SERAC1: variants seen among roughly 807,000 people sequenced by gnomAD.
SERAC1 encodes the protein protein SERAC1.
A neutral mutation model predicts 85.7 loss-of-function variants in SERAC1; 36 were observed. The ratio of observed to expected loss-of-function variants is 0.42; its 90% confidence interval spans 0.32 to 0.55. The LOEUF is 0.55. SERAC1 is among the 20% of genes least tolerant of loss of function. The pLI is 0.11. For missense variants in SERAC1, 629 were observed against 796.2 expected (o/e 0.79, Z 2.53); for synonymous variants, 242 against 265.3 (o/e 0.91, Z 0.85).
At chr6:158,141,872 T>C (rs753125436) in intron 8 of SERAC1, among the ~76,000 whole-genome samples, 1 of 152,222 alleles carries the variant, frequency 6.6e-6, no homozygotes, top group Non-Finnish European at 1.5e-5. Flanking sequence ...GGGGAAATTA[T>C]GTAAAGTATA....
At chr6:158,162,258 G>C (rs1030939895) in intron 1 of SERAC1, 1 of 152,070 alleles carries the variant, frequency 6.6e-6, no homozygotes, top group Non-Finnish European at 1.5e-5. Context: ...GTGATAATAA[G>C]GGAACTACTG....
chr6:158,136,135 G>A (rs1238786887), intron 8 of SERAC1, among the ~76,000 whole-genome samples: 1 of 152,052 alleles, frequency 6.6e-6, no homozygotes, highest in Non-Finnish European at 1.5e-5. Flanking sequence ...TTAATGAAAT[G>A]TATTATTTTC....
In SERAC1 at chr6:158,114,883, AT is replaced by A. The variant is rs1172563189; in HGVS notation, c.1589del (p.Tyr530LeufsTer56). The A allele has an allele frequency of 6.2e-7, 1 of 1,614,028 alleles. No homozygotes were observed. Among genetic ancestry groups the A allele is most frequent in the Admixed American group, 1.7e-5 (1 of 60,028 alleles). Reference sequence around the variant, plus strand: ...AACGTGATCCATGATGAGGGACACTATAAAAAATTATTCCTCTGGTATTGTT... The same window carrying A: ...AACGTGATCCATGATGAGGGACACTAAAAAAATTATTCCTCTGGTATTGTT... ...VINNTRGIIF[Y>X]SVPHHGSRLA... On this transcript the variant is annotated frameshift_variant, in exon 15 of 17. Transcript: ENST00000647468. LOFTEE classifies it high-confidence loss of function.
chr6:158,111,510 AAAT>A lies in SERAC1; in HGVS notation c.1829-11_1829-9del. The A allele has an allele frequency of 6.4e-7, 1 of 1,572,798 alleles. No individual in the cohort carries two copies. The highest frequency in any genetic ancestry group is 8.6e-7 in the Non-Finnish European group (1 of 1,164,994). ...GATCTCCAATGCCTAAATCTGAAGA[AAAT>A]AAAAAAGTCAATAAACCTAAGTAAA... On this transcript the variant is annotated splice_polypyrimidine_tract_variant and intron_variant, in intron 16 of 16. Transcript: ENST00000647468.
chr6:158,127,140 C>T (rs957669257), intron 10 of SERAC1, among the ~76,000 whole-genome samples: 8 of 152,054 alleles, frequency 5.3e-5, no homozygotes, highest in South Asian at 2.1e-4. Flanking sequence ...TTATCTTAGG[C>T]GCAGATTATC....
At position 158,168,214 on chromosome 6, in the gene SERAC1, C is replaced by T; in HGVS notation, c.-76G>A. ...TGTCTGGGGAGCCCTACTCTTTCCG[C>T]GGCTCCCGGCCGGGACCCTCCACCC... On this transcript the variant is annotated 5_prime_UTR_variant, in exon 1 of 17. Coordinates refer to ENST00000647468, the MANE Select transcript of SERAC1 (RefSeq NM_032861.4). 6.6e-6 allele frequency: 1 copy of T among 152,420 alleles called. No individual in the cohort carries two copies. Among genetic ancestry groups the T allele is most frequent in the East Asian group, 1.9e-4 (1 of 5,170 alleles). The allele number at this position is 152,420 out of a possible 1,614,324, so 9.4% of individuals were successfully genotyped here. A position where few individuals can be genotyped will look rare whatever the true frequency, so the allele number is the denominator to read the frequency against.
intron 10 of SERAC1, among the ~76,000 whole-genome samples, chr6:158,121,647 G>GTACTT (rs1402021510): frequency 2.0e-5 from 3 of 152,046 alleles, no homozygotes; most frequent in Non-Finnish European, 4.4e-5. Flanking sequence ...TTCAGACTCA[G>GTACTT]TACTTAACAA....
intron 10 of SERAC1, among the ~76,000 whole-genome samples, chr6:158,121,019 A>G (rs183654542): frequency 1.3e-5 from 2 of 152,352 alleles, no homozygotes; most frequent in Non-Finnish European, 2.9e-5. Flanking sequence ...TTTCTTAACA[A>G]TGAATTTGAG....
At chr6:158,143,509 T>C (rs1468988593) in intron 7 of SERAC1, among the ~76,000 whole-genome samples, 1 of 152,130 alleles carries the variant, frequency 6.6e-6, no homozygotes, top group African/African-American at 2.4e-5. Context: ...TATACTTTCA[T>C]GTCTGCTACT....
chr6:158,136,787 T>C (rs990619347), intron 8 of SERAC1, among the ~76,000 whole-genome samples: 2 of 152,092 alleles, frequency 1.3e-5, no homozygotes, highest in African/African-American at 4.8e-5. Flanking sequence ...CCACCCACCA[T>C]GTCAGCACCC....
At position 158,146,809 on chromosome 6, in the gene SERAC1, C is replaced by T. The variant is rs1785071413; in HGVS notation, c.460G>A (p.Glu154Lys). 6.2e-7 allele frequency: 1 copy of T among 1,613,924 alleles called. No individual in the cohort carries two copies. Among genetic ancestry groups the T allele is most frequent in the Non-Finnish European group, 8.5e-7 (1 of 1,179,880 alleles). The change falls in exon 6 of 17, where the codon GAA becomes AAA. Residue 154 changes from glutamate to lysine, a missense_variant. By Grantham distance (56) the Glu-to-Lys change is moderately conservative. Coordinates refer to ENST00000647468, the MANE Select transcript of SERAC1 (RefSeq NM_032861.4). ...TGCCAGTGATGGGTCTCCGACATTTCCCGCACAGCCTCGAGTCGCGTGGTT... is the reference window on the plus strand; with the variant it reads ...TGCCAGTGATGGGTCTCCGACATTTTCCGCACAGCCTCGAGTCGCGTGGTT... ...DKTTRLEAVR[E>K]MSETHHWHDY... is the part of the protein sequence containing the mutation.
At chr6:158,160,431 G>C (rs1785462614) in intron 1 of SERAC1, among the ~76,000 whole-genome samples, 1 of 152,132 alleles carries the variant, frequency 6.6e-6, no homozygotes, top group Admixed American at 6.5e-5. Flanking sequence ...GCACACAAAT[G>C]AATGATTATT....
rs377028583 is a variant in SERAC1 at position 158,117,907 on chromosome 6, G to T, written c.1309-86C>A. 52 of 1,007,716 alleles carry T rather than the reference G, an allele frequency of 5.2e-5. 2 individuals are homozygous for T. The South Asian group carries it at 7.1e-4, about 14-fold the overall frequency. The allele number at this position is 1,007,716 out of a possible 1,614,324, so 62.4% of individuals were successfully genotyped here. ...TAGTAAATCAAATTTATAACTAAAG[G>T]CCTCTTGCACTATAATTAAAGATAG... On this transcript the variant is annotated intron_variant, in intron 12 of 16. Transcript: ENST00000647468. This position sits in a 1 kb window ranked among gnomAD's most constrained non-coding sequence, Gnocchi z 4.3.
At position 158,128,211 on chromosome 6, in the gene SERAC1, C is replaced by T; in HGVS notation, c.912G>A (p.Leu304=). 1 of 1,614,152 alleles carries T rather than the reference C, an allele frequency of 6.2e-7. No individual in the cohort carries two copies. Among genetic ancestry groups the T allele is most frequent in the African/African-American group, 1.3e-5 (1 of 75,056 alleles). ...TAGGGCAGTCCTTGTGAAGTCGGTA[C>T]AGCCTCTGAAGTAGCTGCAGGCCTC... ...ANGGLQLLQR[L]YRLHKDCPKV... Residue 304 remains leucine (L), a synonymous_variant, in exon 10 of 17, where the codon CTG becomes CTA. Transcript: ENST00000647468.
intron 5 of SERAC1, 56 bp from the exon 6 acceptor site, chr6:158,146,969 T>A: frequency 6.4e-7 from 1 of 1,567,936 alleles, no homozygotes; most frequent in Middle Eastern, 1.8e-4. Flanking sequence ...TACTTTTATC[T>A]TCACTTTAAG....
At chr6:158,163,729 T>TTTGTTGTTGTTA (rs111396490) in intron 1 of SERAC1, among the ~76,000 whole-genome samples, 1 of 151,548 alleles carries the variant, frequency 6.6e-6, no homozygotes, top group Non-Finnish European at 1.5e-5. Flanking sequence ...ATGTAGGTTT[T>TTTGTTGTTGTTA]TTGTTGTTTT....
Position 158,143,086 on chromosome 6 carries a change from A to G in SERAC1, c.708T>C (p.Ser236=), listed in dbSNP as rs1784956015. ...GAGCAGCTAGACTCTGACTGCTTTC[A>G]CTAAGAGCCAAAGATGTAAAATACT... is the stretch of plus-strand genomic sequence containing the variant. The part of the protein sequence containing the change: ...CIQYFTSLAL[S]ESSQSLAAQK... The change falls in exon 8 of 17, where the codon AGT becomes AGC. Residue 236 remains serine (S), a synonymous_variant. Coordinates refer to ENST00000647468, the MANE Select transcript of SERAC1 (RefSeq NM_032861.4). The G allele has an allele frequency of 1.2e-6, 2 of 1,612,984 alleles. No homozygotes were observed. The highest frequency in any genetic ancestry group is 3.3e-5 in the Admixed American group (2 of 59,854).
At chr6:158,156,900 A>G (rs1032010798) in intron 2 of SERAC1, among the ~76,000 whole-genome samples, 4 of 96,866 alleles carry the variant, frequency 4.1e-5, no homozygotes, top group Non-Finnish European at 7.5e-5. Context: ...ATTTATATAG[A>G]TATTAATATA....
intron 9 of SERAC1, among the ~76,000 whole-genome samples, chr6:158,129,702 T>A (rs571000353): frequency 6.2e-5 from 2 of 32,210 alleles, no homozygotes; most frequent in Non-Finnish European, 1.3e-4. Flanking sequence ...TTTTGTTTTG[T>A]TTTTTTTTTT....
Sources: gnomAD v4.1 joint callset for allele counts (sites outside exome capture counted in the v4.1 genomes callset) on GRCh38, gnomAD v4.1.1 for gene constraint, Gnocchi (gnomAD v3.1) non-coding constraint, MANE v1.5 for transcripts, NCBI Gene and HGNC (gene_info 2026-07-23, HGNC 2026-07-21) for gene names.